Variants in FAAH2 observed in about 807,000 individuals in gnomAD.
FAAH2 encodes fatty-acid amide hydrolase 2.
FAAH2 carries 60 observed loss-of-function variants against 36.9 expected under a neutral mutation model. That is an observed-to-expected ratio of 1.63 (90% CI 1.32 to 2.02). FAAH2 has a LOEUF of 2.02. Ranked by LOEUF, FAAH2 falls within the 30% of genes most tolerant of loss-of-function variation. The pLI is 0.00. For synonymous variants in FAAH2, 214 were observed against 143.8 expected (o/e 1.49, Z -3.49); for missense variants, 689 against 397.5 (o/e 1.73, Z -6.23).
At chrX:57,209,938 T>G in the FAAH2 span, among the ~76,000 whole-genome samples, 1 of 110,034 alleles carries the variant, frequency 9.1e-6, no homozygotes, top group South Asian at 3.9e-4. Flanking sequence ...GCTGGGTTAA[T>G]TATGTGGTTT....
the FAAH2 span, among the ~76,000 whole-genome samples, chrX:57,210,829 A>G: frequency 8.9e-6 from 1 of 112,915 alleles, no homozygotes; most frequent in East Asian, 2.8e-4. Flanking sequence ...TTCATTTGAT[A>G]TAATTACCTA....
chrX:57,251,511 G>A, the FAAH2 span, among the ~76,000 whole-genome samples: 1 of 111,531 alleles, frequency 9.0e-6, no homozygotes, highest in East Asian at 2.8e-4. Flanking sequence ...GAGTAGTTAG[G>A]CAAGAGAAAG....
At chrX:57,224,559 G>A in the FAAH2 span, among the ~76,000 whole-genome samples, 149 of 111,413 alleles carry the variant, frequency 1.3e-3, no homozygotes, top group African/African-American at 4.2e-3. Context: ...AGCAGCGTGC[G>A]CCGGCAAGAT....
At chrX:57,197,498 G>A in the FAAH2 span, among the ~76,000 whole-genome samples, 3 of 111,079 alleles carry the variant, frequency 2.7e-5, no homozygotes, top group Non-Finnish European at 5.7e-5. Context: ...TTTGGGTAGA[G>A]TATGTCAGAG....
intron 8 of FAAH2, among the ~76,000 whole-genome samples, chrX:57,445,761 A>C (rs773720956): frequency 3.6e-5 from 4 of 112,410 alleles, no homozygotes; most frequent in Non-Finnish European, 5.6e-5. Flanking sequence ...AAGTCTCTTC[A>C]CCAGCTACAT....
intron 10 of FAAH2, among the ~76,000 whole-genome samples, chrX:57,458,827 C>T (rs572415640): frequency 1.8e-5 from 2 of 112,435 alleles, no homozygotes; most frequent in East Asian, 5.6e-4. Context: ...ATCCAAAGAA[C>T]AGGAGATTCC....
chrX:57,188,880 G>T, the FAAH2 span, among the ~76,000 whole-genome samples: 2 of 110,771 alleles, frequency 1.8e-5, no homozygotes, highest in Non-Finnish European at 3.8e-5. Context: ...TGCTTTTCTT[G>T]TGGAATATCT....
the FAAH2 span, among the ~76,000 whole-genome samples, chrX:57,201,290 G>A: frequency 1.8e-5 from 2 of 110,053 alleles, no homozygotes; most frequent in Non-Finnish European, 3.8e-5. Flanking sequence ...GTGTTGGTGG[G>A]CACCTGTAAT....
At chrX:57,227,249 T>C in the FAAH2 span, among the ~76,000 whole-genome samples, 5 of 110,737 alleles carry the variant, frequency 4.5e-5, no homozygotes, top group African/African-American at 1.6e-4. Context: ...CCAGGGTTGG[T>C]TTTCTGCTTC....
the FAAH2 span, among the ~76,000 whole-genome samples, chrX:57,251,882 T>TG: frequency 9.0e-6 from 1 of 110,748 alleles, no homozygotes; most frequent in Non-Finnish European, 1.9e-5. Context: ...TGAGCCAAAG[T>TG]GGGGGGTGGG....
the FAAH2 span, among the ~76,000 whole-genome samples, chrX:57,151,156 G>C: frequency 3.6e-5 from 4 of 112,239 alleles, no homozygotes; most frequent in Non-Finnish European, 7.5e-5. Context: ...GCTTCCCCTT[G>C]TGGGTAACCC....
At chrX:57,201,536 A>C in the FAAH2 span, among the ~76,000 whole-genome samples, 1 of 110,821 alleles carries the variant, frequency 9.0e-6, no homozygotes, top group Non-Finnish European at 1.9e-5. Flanking sequence ...TTTATTCTTG[A>C]CCTTTAGGAA....
chrX:57,470,139 A>G (rs888206068), intron 10 of FAAH2, among the ~76,000 whole-genome samples: 2 of 111,700 alleles, frequency 1.8e-5, no homozygotes, highest in Admixed American at 9.6e-5. Flanking sequence ...TGCCCACAAG[A>G]GAAAGCAGGA....
At chrX:57,486,189 C>T (rs781676392) in intron 10 of FAAH2, among the ~76,000 whole-genome samples, 2 of 112,017 alleles carry the variant, frequency 1.8e-5, no homozygotes, top group African/African-American at 6.5e-5. Flanking sequence ...TGCTCTTAGG[C>T]TCGAGGAGGT....
chrX:57,305,840 G>T (rs1249850360), intron 2 of FAAH2, among the ~76,000 whole-genome samples: 3 of 111,391 alleles, frequency 2.7e-5, no homozygotes, highest in Non-Finnish European at 3.8e-5. Flanking sequence ...TTCTCCTTCA[G>T]CTACTACCCC....
intron 5 of FAAH2, among the ~76,000 whole-genome samples, chrX:57,360,841 G>A (rs778229539): frequency 9.1e-6 from 1 of 109,817 alleles, no homozygotes; most frequent in Admixed American, 9.8e-5. Flanking sequence ...CCCACCCACC[G>A]ACAGGCCCCG....
chrX:57,413,534 T>C (rs986084044), intron 7 of FAAH2, among the ~76,000 whole-genome samples: 5 of 111,541 alleles, frequency 4.5e-5, no homozygotes, highest in African/African-American at 1.6e-4. Flanking sequence ...GTTGTAGATG[T>C]GTGGCGTTAT....
the FAAH2 span, among the ~76,000 whole-genome samples, chrX:57,123,932 A>T: frequency 9.0e-6 from 1 of 111,214 alleles, no homozygotes; most frequent in Non-Finnish European, 1.9e-5. Flanking sequence ...GATTGCAAAA[A>T]CTTTCTCCCA....
At chrX:57,189,056 C>T in the FAAH2 span, among the ~76,000 whole-genome samples, 1 of 111,081 alleles carries the variant, frequency 9.0e-6, no homozygotes, top group African/African-American at 3.3e-5. Flanking sequence ...TCACATAGCC[C>T]CATATCTCTT....
Sources: allele counts gnomAD v4.1 joint callset (sites outside exome capture counted in the v4.1 genomes callset), GRCh38; gene constraint gnomAD v4.1.1; transcripts MANE v1.5; gene names NCBI Gene and HGNC (gene_info 2026-07-23, HGNC 2026-07-21).